The following MAN1C1 variants were observed in gnomAD, a reference collection of about 807,000 sequenced individuals.
The protein encoded by MAN1C1 is mannosidase alpha class 1C member 1.
In MAN1C1, 49 loss-of-function variants were observed where a neutral mutation model predicts 71.5. The observed-to-expected ratio is 0.69, with a 90% CI of 0.54 to 0.87. MAN1C1 has a LOEUF of 0.87. Ranked by LOEUF, MAN1C1 falls within the 40% of genes least tolerant of loss-of-function variation. The probability of loss-of-function intolerance (pLI) is 0.00; values close to 1 mark genes in which losing one functional copy is unlikely to be tolerated. For missense variants in MAN1C1, 743 were observed against 835.0 expected (o/e 0.89, Z 1.36); for synonymous variants, 352 against 343.7 (o/e 1.02, Z -0.27).
At chr1:25,692,773 C>T (rs2046324830) in intron 2 of MAN1C1, among the ~76,000 whole-genome samples, 1 of 152,186 alleles carries the variant, frequency 6.6e-6, no homozygotes, top group Non-Finnish European at 1.5e-5. Context: ...ACGTCCTGTA[C>T]ACCACTGCCC....
intron 2 of MAN1C1, among the ~76,000 whole-genome samples, chr1:25,696,714 A>G (rs944264018): frequency 6.6e-6 from 1 of 152,082 alleles, no homozygotes; most frequent in Non-Finnish European, 1.5e-5. Flanking sequence ...TGGTGTGACC[A>G]TAGCTCACTG....
chr1:25,741,314 G>A (rs1035340834), intron 2 of MAN1C1, among the ~76,000 whole-genome samples: 1 of 152,218 alleles, frequency 6.6e-6, no homozygotes, highest in African/African-American at 2.4e-5. Flanking sequence ...CTAAGAGAAT[G>A]AGGGAGGACA....
chr1:25,682,667 AAAG>A (rs2046170713), intron 1 of MAN1C1, among the ~76,000 whole-genome samples: 3 of 152,218 alleles, frequency 2.0e-5, no homozygotes, highest in Admixed American at 1.3e-4. Context: ...TCAATTGATT[AAAG>A]AAGAACTTTG....
chr1:25,624,934 A>G (rs973677329), intron 1 of MAN1C1, among the ~76,000 whole-genome samples: 1 of 151,840 alleles, frequency 6.6e-6, no homozygotes, highest in Non-Finnish European at 1.5e-5. Flanking sequence ...TTTTTTATAC[A>G]ACAACCTTGT....
rs1472556706 is a variant in MAN1C1 at position 25,616,850 on chromosome 1, G to T, written c.-948G>T. 6.7e-6 allele frequency among the ~76,000 whole-genome samples: 1 copy of T among 149,128 alleles called. No individual in the cohort carries two copies. The highest frequency in any genetic ancestry group is 2.4e-5 in the African/African-American group (1 of 41,074). On this transcript the variant is annotated 5_prime_UTR_variant, in exon 1 of 12. Transcript: ENST00000374332. This position sits in a 1 kb window ranked among gnomAD's most constrained non-coding sequence, Gnocchi z 5.6. ...GCGGTGGAGGCGGCCGGGTGGCTGT[G>T]CGCGCGTGTGGGGCGCAGGCTCGGC...
At chr1:25,666,376 T>G (rs939856939) in intron 1 of MAN1C1, among the ~76,000 whole-genome samples, 1 of 152,212 alleles carries the variant, frequency 6.6e-6, no homozygotes, top group Non-Finnish European at 1.5e-5. Flanking sequence ...CCTCATCTTT[T>G]TACTCCTCTT....
chr1:25,764,563 C>A lies in MAN1C1; in HGVS notation c.1141+596C>A, dbSNP rs893504019. On this transcript the variant is annotated intron_variant, in intron 7 of 11. Transcript: ENST00000374332. The surrounding 1 kb of genome is among the most constrained non-coding windows in gnomAD (Gnocchi z 4.4). The stretch of plus-strand genomic sequence containing the variant: ...GAGTAGCTGGGACTACAAGCATGTG[C>A]CACCATGTCTGGCTACTTTTTTTGT... Among the ~76,000 whole-genome samples the A allele has an allele frequency of 9.9e-5, 15 of 151,938 alleles. No homozygotes were observed. The highest frequency in any genetic ancestry group is 1.0e-4 in the Non-Finnish European group (7 of 68,008).
At chr1:25,656,474 G>T (rs768203322) in intron 1 of MAN1C1, among the ~76,000 whole-genome samples, 1 of 152,146 alleles carries the variant, frequency 6.6e-6, no homozygotes, top group Non-Finnish European at 1.5e-5. Context: ...CGGCTGAGTT[G>T]CCTGCTTTGA....
At chr1:25,755,514 AC>A (rs2047274284) in intron 5 of MAN1C1, among the ~76,000 whole-genome samples, 1 of 152,148 alleles carries the variant, frequency 6.6e-6, no homozygotes. Context: ...ACACAAATAG[AC>A]ATGTCTTCAC....
chr1:25,626,460 G>T (rs149661340), intron 1 of MAN1C1, among the ~76,000 whole-genome samples: 1 of 151,716 alleles, frequency 6.6e-6, no homozygotes, highest in Admixed American at 6.6e-5. Flanking sequence ...CTGGGTTCAC[G>T]CCATTCTCCT....
intron 8 of MAN1C1, 182 bp downstream of exon 8, chr1:25,771,954 C>T (rs2047558931): frequency 1.0e-5 from 6 of 591,004 alleles, no homozygotes; most frequent in South Asian, 2.0e-5. Context: ...TTACACCCTG[C>T]GACCCTCCCA....
chr1:25,712,663 C>A (rs529182698), intron 2 of MAN1C1, among the ~76,000 whole-genome samples: 2 of 152,148 alleles, frequency 1.3e-5, no homozygotes, highest in Non-Finnish European at 2.9e-5. Context: ...CCATTCAAAC[C>A]GCCTTTCACT....
intron 1 of MAN1C1, among the ~76,000 whole-genome samples, chr1:25,627,489 G>A (rs1385873562): frequency 6.6e-6 from 1 of 151,994 alleles, no homozygotes; most frequent in Non-Finnish European, 1.5e-5. Flanking sequence ...TAGCTAGGCT[G>A]GTCTCAAACT....
intron 6 of MAN1C1, 44 bp from the exon 7 acceptor site, chr1:25,763,830 T>C (rs1286587141): frequency 5.8e-6 from 9 of 1,550,860 alleles, no homozygotes; most frequent in Middle Eastern, 1.7e-4. Context: ...GCAGTCGGCT[T>C]CTTCGGAAGC....
At chr1:25,736,105 T>C (rs1341549416) in intron 2 of MAN1C1, among the ~76,000 whole-genome samples, 1 of 152,210 alleles carries the variant, frequency 6.6e-6, no homozygotes, top group Non-Finnish European at 1.5e-5. Context: ...TGGACTTTGA[T>C]GTCTGGTGGG....
chr1:25,767,896 T>C (rs1572207021), intron 7 of MAN1C1, among the ~76,000 whole-genome samples: 2 of 46,802 alleles, frequency 4.3e-5, no homozygotes, highest in African/African-American at 1.1e-4. Context: ...CACACTCCCC[T>C]CATACACACA....
chr1:25,746,687 A>T lies in MAN1C1; in HGVS notation c.657A>T (p.Thr219=), dbSNP rs753906981. The T allele has an allele frequency of 1.9e-6, 3 of 1,613,660 alleles. No homozygotes were observed. Among genetic ancestry groups the T allele is most frequent in the Non-Finnish European group, 2.5e-6 (3 of 1,179,670 alleles). Residue 219 remains threonine (T), a synonymous_variant, in exon 3 of 12, where the codon ACA becomes ACT. Transcript: ENST00000374332. The surrounding 1 kb of genome is among the most constrained non-coding windows in gnomAD (Gnocchi z 4.0). The part of the protein sequence containing the change: ...GNMFGGLSGA[T]VIDSLDTLYL... ...CTGCAGGAGGCCTCAGCGGGGCAAC[A>T]GTCATTGACTCCCTCGATACCCTCT...
At chr1:25,643,185 T>C (rs539139181) in intron 1 of MAN1C1, among the ~76,000 whole-genome samples, 2 of 152,162 alleles carry the variant, frequency 1.3e-5, no homozygotes, top group Admixed American at 6.5e-5. Context: ...CCTCTCCCTC[T>C]ATCCTCTTAT....
chr1:25,663,151 C>T (rs1049212574), intron 1 of MAN1C1, among the ~76,000 whole-genome samples: 10 of 147,234 alleles, frequency 6.8e-5, no homozygotes, highest in African/African-American at 2.2e-4. Flanking sequence ...ATTTTAAATA[C>T]ATGTATATAT....
Sources: allele counts gnomAD v4.1 joint callset (sites outside exome capture counted in the v4.1 genomes callset), GRCh38; gene constraint gnomAD v4.1.1; non-coding constraint Gnocchi (gnomAD v3.1); transcripts MANE v1.5; gene names NCBI Gene and HGNC (gene_info 2026-07-23, HGNC 2026-07-21).